The following FUT8 variants were observed in gnomAD, a reference collection of about 807,000 sequenced individuals.
FUT8 encodes alpha-(1,6)-fucosyltransferase.
Under a neutral mutation model 71.3 loss-of-function variants are expected in FUT8, and 29 were observed. The observed-to-expected ratio is 0.41, with a 90% CI of 0.30 to 0.55. The LOEUF is 0.55. Ranked by LOEUF, FUT8 falls within the 20% of genes least tolerant of loss-of-function variation. The probability of loss-of-function intolerance (pLI) is 0.34; values close to 1 mark genes in which losing one functional copy is unlikely to be tolerated. For missense variants in FUT8, 544 were observed against 702.1 expected (o/e 0.77, Z 2.55); for synonymous variants, 254 against 239.3 (o/e 1.06, Z -0.57).
intron 6 of FUT8, among the ~76,000 whole-genome samples, chr14:65,634,913 G>A (rs1890461352): frequency 6.6e-6 from 1 of 152,140 alleles, no homozygotes; most frequent in African/African-American, 2.4e-5. Flanking sequence ...TTTGTAGATT[G>A]CATTTGGCAG....
intron 2 of FUT8, among the ~76,000 whole-genome samples, chr14:65,519,881 T>G (rs908764232): frequency 1.3e-5 from 2 of 152,136 alleles, no homozygotes; most frequent in Non-Finnish European, 2.9e-5. Flanking sequence ...TGGGCTCAAG[T>G]GATCCTCCCA....
At chr14:65,388,357 T>C in the FUT8 span, among the ~76,000 whole-genome samples, 1 of 152,216 alleles carries the variant, frequency 6.6e-6, no homozygotes, top group Non-Finnish European at 1.5e-5. Flanking sequence ...CTGTATTAGA[T>C]ATGTAGTAAG....
At chr14:65,384,495 A>AT in the FUT8 span, among the ~76,000 whole-genome samples, 2 of 152,108 alleles carry the variant, frequency 1.3e-5, no homozygotes, top group Admixed American at 1.3e-4. This position sits in a 1 kb window ranked among gnomAD's most constrained non-coding sequence, Gnocchi z 4.2. Flanking sequence ...GTCTTCCACC[A>AT]TTTTTGTCAC....
rs60444883 is a variant in FUT8, at chr14:65,599,331, A to T, written c.204-16647A>T. ...TTACCATGTTTCCCCCCATCTCCCT[A>T]TACTTCTAACAGTGGTTCACCTCTT... is the stretch of plus-strand genomic sequence containing the variant. On this transcript the variant is annotated intron_variant, in intron 3 of 10. Coordinates refer to ENST00000673929, the MANE Select transcript of FUT8 (RefSeq NM_001371533.1). 9.3e-3 allele frequency among the ~76,000 whole-genome samples: 1,415 copies of T among 152,298 alleles called. 21 individuals are homozygous for T. Among genetic ancestry groups the T allele is most frequent in the African/African-American group, 0.032 (1,347 of 41,562 alleles).
chr14:65,615,310 T>A (rs1215769616), intron 3 of FUT8, among the ~76,000 whole-genome samples: 1 of 152,138 alleles, frequency 6.6e-6, no homozygotes, highest in African/African-American at 2.4e-5. Context: ...GATTGCTGTG[T>A]TGCCCAGGCT....
At chr14:65,432,393 CTTTTTTTTT>C (rs5809274) in intron 1 of FUT8, among the ~76,000 whole-genome samples, 1 of 144,322 alleles carries the variant, frequency 6.9e-6, no homozygotes, top group African/African-American at 2.6e-5. Flanking sequence ...TTCTACTTTC[CTTTTTTTTT>C]TTTTTAAATT....
intron 5 of FUT8, among the ~76,000 whole-genome samples, chr14:65,623,365 A>G (rs994316118): frequency 2.6e-5 from 4 of 152,074 alleles, no homozygotes; most frequent in Non-Finnish European, 4.4e-5. Flanking sequence ...AACATAACCA[A>G]TTTTTGAAAT....
chr14:65,463,321 C>T (rs1479979643), intron 2 of FUT8, among the ~76,000 whole-genome samples: 3 of 152,078 alleles, frequency 2.0e-5, no homozygotes, highest in Non-Finnish European at 4.4e-5. Context: ...GGCTGGAGTG[C>T]ACTGGCGCAG....
At chr14:65,403,630 T>C in the FUT8 span, among the ~76,000 whole-genome samples, 5 of 152,222 alleles carry the variant, frequency 3.3e-5, no homozygotes. Context: ...TGGGTTAACA[T>C]ATAAGGTAGA....
chr14:65,459,635 A>G (rs1233868382), intron 2 of FUT8, among the ~76,000 whole-genome samples: 8 of 152,290 alleles, frequency 5.3e-5, no homozygotes, highest in South Asian at 2.1e-4. Context: ...CTACACTGCA[A>G]TGTCTCCAGA....
chr14:65,521,402 T>A (rs931095525), intron 2 of FUT8, among the ~76,000 whole-genome samples: 5 of 152,216 alleles, frequency 3.3e-5, no homozygotes, highest in African/African-American at 9.7e-5. Context: ...TATACTTTTC[T>A]TTAAGTATAT....
At chr14:65,446,695 A>G (rs1175915834) in intron 1 of FUT8, among the ~76,000 whole-genome samples, 1 of 54,120 alleles carries the variant, frequency 1.8e-5, no homozygotes, top group Non-Finnish European at 4.1e-5. Flanking sequence ...TTTTTTTTTA[A>G]CATGTTTAGA....
In FUT8 at chr14:65,574,064, T is replaced by C. The variant is rs1232191776; in HGVS notation, c.203+12298T>C. Among the ~76,000 whole-genome samples the C allele has an allele frequency of 6.6e-6, 1 of 152,156 alleles. No homozygotes were observed. The highest frequency in any genetic ancestry group is 1.5e-5 in the Non-Finnish European group (1 of 68,040). ...ATTTCAAGGCTCAATTAAAGAAGGATACAGTTCTAAAATCATGTGGTTGTT... is the reference window on the plus strand; with the variant it reads ...ATTTCAAGGCTCAATTAAAGAAGGACACAGTTCTAAAATCATGTGGTTGTT... On this transcript the variant is annotated intron_variant, in intron 3 of 10. Coordinates refer to ENST00000673929, the MANE Select transcript of FUT8 (RefSeq NM_001371533.1). The surrounding 1 kb of genome is among the most constrained non-coding windows in gnomAD (Gnocchi z 5.2).
chr14:65,508,106 TG>T (rs71126754), intron 2 of FUT8, among the ~76,000 whole-genome samples: 121,604 of 146,892 alleles, frequency 0.83, 50,615 homozygotes, highest in East Asian at 1. Context: ...CTTGCTCTGT[TG>T]GCCAGGCTGG....
chr14:65,609,037 G>A (rs1390159005), intron 3 of FUT8, among the ~76,000 whole-genome samples: 1 of 151,842 alleles, frequency 6.6e-6, no homozygotes, highest in Non-Finnish European at 1.5e-5. Context: ...GCTCATGTCT[G>A]TAATCTCAGC....
intron 5 of FUT8, among the ~76,000 whole-genome samples, chr14:65,625,064 C>CATTCATAAATAA (rs1555376852): frequency 2.0e-5 from 3 of 146,418 alleles, no homozygotes; most frequent in Non-Finnish European, 4.5e-5. Flanking sequence ...GAAACTCTGT[C>CATTCATAAATAA]ATAAATAAAT....
In FUT8 at chr14:65,721,813, C is replaced by T; in HGVS notation, c.874C>T (p.Pro292Ser). 1 of 1,614,166 alleles carries T rather than the reference C, an allele frequency of 6.2e-7. No individual in the cohort carries two copies. Among genetic ancestry groups the T allele is most frequent in the Middle Eastern group, 1.6e-4 (1 of 6,062 alleles). ...KDKNVQVVELPIVDSLHPRPP... is the reference protein window; with the variant it reads ...KDKNVQVVELSIVDSLHPRPP... The stretch of plus-strand genomic sequence containing the variant: ...CAAAAATGTTCAAGTGGTCGAGCTT[C>T]CCATTGTAGACAGTCTTCATCCCCG... The change falls in exon 8 of 11, where the codon CCC (proline) becomes TCC (serine). Residue 292 changes from proline to serine, a missense_variant. Pro to Ser is a moderately conservative substitution (Grantham distance 74). Coordinates refer to ENST00000673929, the MANE Select transcript of FUT8 (RefSeq NM_001371533.1).
At chr14:65,428,444 T>G (rs1194296833) in intron 1 of FUT8, among the ~76,000 whole-genome samples, 1 of 152,166 alleles carries the variant, frequency 6.6e-6, no homozygotes, top group Non-Finnish European at 1.5e-5. Flanking sequence ...ACCCCCACTT[T>G]CTGCCATCAC....
At chr14:65,732,070 G>A (rs1896010074) in intron 9 of FUT8, among the ~76,000 whole-genome samples, 1 of 152,060 alleles carries the variant, frequency 6.6e-6, no homozygotes, top group African/African-American at 2.4e-5. Context: ...ACTATTTCTG[G>A]TTGTTTTCTT....
Sources: gnomAD v4.1 joint callset for allele counts (sites outside exome capture counted in the v4.1 genomes callset) on GRCh38, gnomAD v4.1.1 for gene constraint, Gnocchi (gnomAD v3.1) non-coding constraint, MANE v1.5 for transcripts, NCBI Gene and HGNC (gene_info 2026-07-23, HGNC 2026-07-21) for gene names.